ATP11C: variants seen among roughly 807,000 people sequenced by gnomAD.
ATP11C encodes phospholipid-transporting ATPase IG.
ATP11C carries 36 observed loss-of-function variants against 97.4 expected under a neutral mutation model. The observed-to-expected ratio is 0.37, with a 90% CI of 0.28 to 0.49. The LOEUF is 0.49. ATP11C is among the 20% of genes least tolerant of loss of function. ATP11C has a pLI of 0.98. For synonymous variants in ATP11C, 275 were observed against 290.9 expected (o/e 0.95, Z 0.56); for missense variants, 730 against 824.6 (o/e 0.89, Z 1.40).
At chrX:139,927,263 T>C (rs1428237106) in intron 1 of ATP11C, among the ~76,000 whole-genome samples, 8 of 111,646 alleles carry the variant, frequency 7.2e-5, no homozygotes, top group South Asian at 3.7e-4. Flanking sequence ...CAGTGAATAT[T>C]TGCTGAATGA....
intron 1 of ATP11C, chrX:139,909,820 G>A (rs1191606587): frequency 8.9e-6 from 1 of 111,796 alleles, no homozygotes; most frequent in African/African-American, 3.3e-5. Flanking sequence ...AATTCAGCTG[G>A]TTACTTTTCT....
intron 17 of ATP11C, 81 bp downstream of exon 17, chrX:139,783,083 T>C: frequency 1.4e-6 from 1 of 712,731 alleles, no homozygotes; most frequent in East Asian, 3.4e-5. Context: ...TAAACTGTCA[T>C]TTAAACAGAA....
chrX:139,814,698 G>A (rs1315544242), intron 5 of ATP11C, among the ~76,000 whole-genome samples, 180 bp downstream of exon 5: 2 of 111,047 alleles, frequency 1.8e-5, no homozygotes, highest in Non-Finnish European at 3.8e-5. Context: ...CTGGGAGGAG[G>A]GAGAAATGTG....
chrX:139,729,015 C>T, intron 29 of ATP11C, 53 bp from the exon 30 acceptor site: 1 of 953,023 alleles, frequency 1.0e-6, no homozygotes, highest in African/African-American at 1.9e-5. Flanking sequence ...TAATGTGAAA[C>T]CATCTGTTAA....
chrX:139,911,857 T>C (rs1455461120), intron 1 of ATP11C, among the ~76,000 whole-genome samples: 4 of 110,953 alleles, frequency 3.6e-5, no homozygotes, highest in Non-Finnish European at 7.5e-5. Context: ...AATGAATGAA[T>C]TATGCCTACA....
intron 29 of ATP11C, among the ~76,000 whole-genome samples, chrX:139,730,729 G>A (rs1463569229): frequency 9.0e-6 from 1 of 110,819 alleles, no homozygotes; most frequent in Admixed American, 9.5e-5. Context: ...GCTTTAAGCT[G>A]TGTAGAGTTG....
In ATP11C at chrX:139,875,419, CAA is replaced by C. The variant is rs35815603; in HGVS notation, c.28-48598_28-48597del. Among the ~76,000 whole-genome samples the C allele has an allele frequency of 5.4e-3, 241 of 44,931 alleles. 2 individuals are homozygous for C. Among genetic ancestry groups the C allele is most frequent in the African/African-American group, 0.012 (201 of 16,498 alleles). 39.0% of individuals were successfully genotyped at this position (44,931 alleles called of 115,157 possible). A position where few individuals can be genotyped will look rare whatever the true frequency, so the allele number is the denominator to read the frequency against. ...AAGACCAGCCTGGGCCCCATCTCCACAAAAAAAAAAAAAAAAAAGAAAAAAGA... is the reference window on the plus strand; with the variant it reads ...AAGACCAGCCTGGGCCCCATCTCCACAAAAAAAAAAAAAAAAGAAAAAAGA... On this transcript the variant is annotated intron_variant, in intron 1 of 29. Transcript: ENST00000682941.
intron 1 of ATP11C, among the ~76,000 whole-genome samples, chrX:139,905,589 TAAGTAGG>T (rs2084961775): frequency 8.9e-6 from 1 of 111,979 alleles, no homozygotes; most frequent in African/African-American, 3.2e-5. Flanking sequence ...AGGGATGTTG[TAAGTAGG>T]AAGGGGATTA....
intron 12 of ATP11C, among the ~76,000 whole-genome samples, chrX:139,795,216 T>C (rs1157964651): frequency 8.9e-6 from 1 of 111,953 alleles, no homozygotes; most frequent in East Asian, 2.8e-4. Context: ...GTAGACTCCA[T>C]GGTTTCAGAT....
rs1321203663 is a variant in ATP11C, at chrX:139,789,341, C to G, written c.1354G>C (p.Asp452His). The G allele has an allele frequency of 8.3e-7, 1 of 1,202,896 alleles. No homozygotes were observed. The highest frequency in any genetic ancestry group is 1.7e-5 in the African/African-American group (1 of 57,617). ...SQTDGTLTYF[D>H]KVDKNREELF... Reference sequence around the variant, plus strand: ...TGCAAATGCACCTTATCTACTTTGTCAAAATATGTTAAAGTTCCATCAGTT... The same window carrying G: ...TGCAAATGCACCTTATCTACTTTGTGAAAATATGTTAAAGTTCCATCAGTT... Residue 452 changes from aspartate (D) to histidine (H), a missense_variant, in exon 13 of 30, where the codon GAC (aspartate) becomes CAC (histidine). Physicochemically the swap from Asp to His is moderately conservative, Grantham distance 81. Coordinates refer to ENST00000682941, the MANE Select transcript of ATP11C (RefSeq NM_001353812.2).
At chrX:139,926,153 C>T (rs1229555740) in intron 1 of ATP11C, among the ~76,000 whole-genome samples, 1 of 110,864 alleles carries the variant, frequency 9.0e-6, no homozygotes, top group Non-Finnish European at 1.9e-5. Context: ...GAAATAAACT[C>T]GAGAGCCAGC....
chrX:139,742,879 ATATATATAT>A (rs2081595875), intron 26 of ATP11C, among the ~76,000 whole-genome samples: 8 of 7,656 alleles, frequency 1.0e-3, no homozygotes, highest in Admixed American at 1.9e-3. Flanking sequence ...AAAAAAAAAT[ATATATATAT>A]ATATATATAT....
chrX:139,800,013 A>AC (rs10717380), intron 8 of ATP11C, 47 bp downstream of exon 8: 5,086 of 391,439 alleles, frequency 0.013, 77 homozygotes, highest in African/African-American at 0.045. Context: ...AGAAAAATAG[A>AC]CCCCCCCCCC....
chrX:139,764,514 T>C (rs1422979341), intron 20 of ATP11C, among the ~76,000 whole-genome samples: 2 of 112,780 alleles, frequency 1.8e-5, no homozygotes, highest in Non-Finnish European at 3.7e-5. Context: ...AATCACTGTT[T>C]GATGTGGCAA....
intron 1 of ATP11C, among the ~76,000 whole-genome samples, chrX:139,865,778 TA>T (rs1478895519): frequency 9.1e-6 from 1 of 110,377 alleles, no homozygotes; most frequent in Non-Finnish European, 1.9e-5. Context: ...AATAAATAAA[TA>T]AATAAATAAG....
intron 26 of ATP11C, among the ~76,000 whole-genome samples, chrX:139,742,864 TAAAAAAA>T (rs573243237): frequency 1.5e-4 from 3 of 20,130 alleles, no homozygotes; most frequent in African/African-American, 7.2e-4. Flanking sequence ...ATTTTTAAAT[TAAAAAAA>T]AAAAAATATA....
intron 1 of ATP11C, among the ~76,000 whole-genome samples, chrX:139,853,206 AG>A (rs2084029043): frequency 9.0e-6 from 1 of 111,311 alleles, no homozygotes; most frequent in South Asian, 3.8e-4. Flanking sequence ...TCCCTCCCCT[AG>A]GGGAAGAGGA....
At chrX:139,876,098 GTAC>G (rs1236469585) in intron 1 of ATP11C, among the ~76,000 whole-genome samples, 1 of 111,291 alleles carries the variant, frequency 9.0e-6, no homozygotes, top group African/African-American at 3.3e-5. Context: ...TCCTTCTACA[GTAC>G]TTACACTACA....
At chrX:139,846,682 T>C (rs969042795) in intron 1 of ATP11C, among the ~76,000 whole-genome samples, 11 of 111,484 alleles carry the variant, frequency 9.9e-5, no homozygotes, top group South Asian at 3.8e-4. Context: ...TCATAGATCA[T>C]AAGTAAGGAT....
Sources: gnomAD v4.1 joint callset for allele counts (sites outside exome capture counted in the v4.1 genomes callset) on GRCh38, gnomAD v4.1.1 for gene constraint, MANE v1.5 for transcripts, NCBI Gene and HGNC (gene_info 2026-07-23, HGNC 2026-07-21) for gene names.